Variants in EDIL3 observed in about 807,000 individuals in gnomAD.
EDIL3 encodes EGF like and discoidin domains 3.
In EDIL3, 37 loss-of-function variants were observed where a neutral mutation model predicts 67.4. The observed-to-expected ratio is 0.55, with a 90% confidence interval of 0.42 to 0.72. The LOEUF (loss-of-function observed/expected upper bound fraction) is 0.72. Among genes scored for constraint, EDIL3 ranks in the 30% least tolerant of loss-of-function variants. EDIL3 has a pLI of 0.00. For synonymous variants in EDIL3, 195 were observed against 196.3 expected (o/e 0.99, Z 0.05); for missense variants, 527 against 586.3 (o/e 0.90, Z 1.04).
intron 9 of EDIL3, among the ~76,000 whole-genome samples, chr5:83,990,596 G>A (rs968916712): frequency 1.3e-5 from 2 of 151,608 alleles, no homozygotes; most frequent in Non-Finnish European, 2.9e-5. Flanking sequence ...AAGAAAATGG[G>A]TTGGCCGGGC....
At chr5:84,305,842 G>A (rs1489824224) in intron 1 of EDIL3, among the ~76,000 whole-genome samples, 13 of 151,980 alleles carry the variant, frequency 8.6e-5, no homozygotes, top group African/African-American at 3.1e-4. Flanking sequence ...TCATGCCATT[G>A]CACTCCAGCC....
intron 2 of EDIL3, 51 bp from the exon 3 acceptor site, chr5:84,229,935 G>A: frequency 1.4e-6 from 2 of 1,400,852 alleles, no homozygotes; most frequent in African/African-American, 1.4e-5. Context: ...GTGAAGGGAG[G>A]GAGAAGGGGG....
At chr5:84,049,170 T>C (rs1746284634) in intron 9 of EDIL3, among the ~76,000 whole-genome samples, 2 of 152,178 alleles carry the variant, frequency 1.3e-5, no homozygotes, top group Non-Finnish European at 2.9e-5. Flanking sequence ...CATTTCAAAG[T>C]TTTTATGTGC....
At chr5:83,999,484 T>C (rs1171286354) in intron 9 of EDIL3, among the ~76,000 whole-genome samples, 1 of 152,110 alleles carries the variant, frequency 6.6e-6, no homozygotes, top group African/African-American at 2.4e-5. Context: ...GCGGAAATTC[T>C]GAAGCTACAA....
chr5:84,155,604 A>T (rs1161533403), intron 4 of EDIL3, among the ~76,000 whole-genome samples: 1 of 152,186 alleles, frequency 6.6e-6, no homozygotes, highest in Non-Finnish European at 1.5e-5. Context: ...TTCGTTAAGC[A>T]TATATCTTCT....
In EDIL3 at chr5:84,045,022, T is replaced by G. The variant is rs192275889; in HGVS notation, c.1137+15278A>C. Among the ~76,000 whole-genome samples, 13 of 152,246 alleles carry G rather than the reference T, an allele frequency of 8.5e-5. No individual in the cohort carries two copies. In the East Asian group the frequency reaches 2.5e-3, roughly 29 times the overall value. On this transcript the variant is annotated intron_variant, in intron 9 of 10. Coordinates refer to ENST00000296591, the MANE Select transcript of EDIL3 (RefSeq NM_005711.5). ...TAATGGACTCACAGTTCCACATGGC[T>G]AAGGAGACCTCACAATCACAGTGGA... is the stretch of plus-strand genomic sequence containing the variant.
chr5:84,018,295 C>T (rs1745645336), intron 9 of EDIL3, among the ~76,000 whole-genome samples: 2 of 152,112 alleles, frequency 1.3e-5, no homozygotes, highest in African/African-American at 4.8e-5. Flanking sequence ...ATAGTAACCA[C>T]CTAATTGGGC....
chr5:84,068,957 G>A (rs1746688588), intron 6 of EDIL3, among the ~76,000 whole-genome samples: 1 of 152,134 alleles, frequency 6.6e-6, no homozygotes, highest in Non-Finnish European at 1.5e-5. Context: ...GTATCTGCAA[G>A]TAATTCCTTT....
chr5:84,224,736 C>T (rs1219531559), intron 3 of EDIL3, among the ~76,000 whole-genome samples: 2 of 151,380 alleles, frequency 1.3e-5, no homozygotes, highest in East Asian at 1.9e-4. Context: ...ATATATTAGA[C>T]CAAAGTCAGA....
chr5:84,363,931 C>T (rs1324390651), intron 1 of EDIL3, among the ~76,000 whole-genome samples: 1 of 152,136 alleles, frequency 6.6e-6, no homozygotes, highest in African/African-American at 2.4e-5. Flanking sequence ...TGGGTTCTCA[C>T]AAATCACTGA....
chr5:83,970,256 TTATATA>T (rs60143474), intron 9 of EDIL3, among the ~76,000 whole-genome samples: 26,163 of 128,456 alleles, frequency 0.2, 2,914 homozygotes, highest in East Asian at 0.34. Flanking sequence ...GTGTCACTAA[TTATATA>T]TATATATATA....
chr5:83,962,307 C>T (rs1287049381), intron 10 of EDIL3, among the ~76,000 whole-genome samples: 1 of 151,410 alleles, frequency 6.6e-6, no homozygotes, highest in Non-Finnish European at 1.5e-5. Context: ...CCAAATCCTT[C>T]ATCTGAGAGT....
chr5:84,313,295 T>C (rs563523549), intron 1 of EDIL3, among the ~76,000 whole-genome samples: 1 of 152,298 alleles, frequency 6.6e-6, no homozygotes, highest in Admixed American at 6.5e-5. Flanking sequence ...CTTGCTATTA[T>C]AGTTGCAGAA....
chr5:84,208,461 T>G (rs956232608), intron 3 of EDIL3, among the ~76,000 whole-genome samples: 19 of 150,758 alleles, frequency 1.3e-4, no homozygotes, highest in Admixed American at 2.0e-4. Context: ...GGGTGGATCA[T>G]GAGGTCAGGA....
At chr5:84,154,693 CTTTTTTTTTTTT>C (rs397881707) in intron 4 of EDIL3, among the ~76,000 whole-genome samples, 1 of 92,294 alleles carries the variant, frequency 1.1e-5, no homozygotes, top group South Asian at 4.6e-4. Flanking sequence ...TCTGCTTCTG[CTTTTTTTTTTTT>C]TTTTTTTTTT....
chr5:84,302,122 T>G (rs1293427774), intron 1 of EDIL3, among the ~76,000 whole-genome samples: 1 of 152,190 alleles, frequency 6.6e-6, no homozygotes, highest in East Asian at 1.9e-4. Flanking sequence ...TTTAATGCAA[T>G]TATAAACCTT....
intron 1 of EDIL3, among the ~76,000 whole-genome samples, chr5:84,369,413 G>T (rs1399785582): frequency 6.6e-6 from 1 of 151,952 alleles, no homozygotes; most frequent in Non-Finnish European, 1.5e-5. Context: ...TAAAAGGGAA[G>T]AACATTCTAA....
intron 1 of EDIL3, among the ~76,000 whole-genome samples, chr5:84,379,326 C>A (rs1748031105): frequency 6.6e-6 from 1 of 152,212 alleles, no homozygotes; most frequent in Non-Finnish European, 1.5e-5. Context: ...TAATAACTGG[C>A]TTAAATGGGA....
intron 6 of EDIL3, among the ~76,000 whole-genome samples, chr5:84,104,880 C>G (rs114857549): frequency 0.014 from 2,053 of 152,072 alleles, 51 homozygotes; most frequent in African/African-American, 0.048. Flanking sequence ...TAAGGTGTTT[C>G]TCAGAGTAAA....
Sources: allele counts gnomAD v4.1 joint callset (sites outside exome capture counted in the v4.1 genomes callset), GRCh38; gene constraint gnomAD v4.1.1; transcripts MANE v1.5; gene names NCBI Gene and HGNC (gene_info 2026-07-23, HGNC 2026-07-21).